VTI1A: variants seen among roughly 807,000 people sequenced by gnomAD.
VTI1A encodes vesicle transport through interaction with t-SNAREs homolog 1A.
Under a neutral mutation model 34.9 loss-of-function variants are expected in VTI1A, and 22 were observed. The observed-to-expected ratio is 0.63, with a 90% CI of 0.45 to 0.90. The LOEUF is 0.90. Ranked by LOEUF, VTI1A falls within the 40% of genes least tolerant of loss-of-function variation. VTI1A has a pLI of 0.00. For synonymous variants in VTI1A, 87 were observed against 97.3 expected (o/e 0.89, Z 0.62); for missense variants, 268 against 275.6 (o/e 0.97, Z 0.20).
intron 7 of VTI1A, among the ~76,000 whole-genome samples, chr10:112,723,582 A>G (rs1411182405): frequency 1.3e-5 from 2 of 152,194 alleles, no homozygotes; most frequent in Non-Finnish European, 2.9e-5. Context: ...TCTTCAGGAC[A>G]ATCTCAATTT....
intron 4 of VTI1A, among the ~76,000 whole-genome samples, chr10:112,531,491 A>G (rs1425832989): frequency 2.0e-5 from 3 of 152,032 alleles, no homozygotes; most frequent in African/African-American, 2.4e-5. Context: ...AGAAAAAAAA[A>G]AAAAAGAAAA....
At chr10:112,757,099 C>G in intron 7 of VTI1A, among the ~76,000 whole-genome samples, 1 of 151,510 alleles carries the variant, frequency 6.6e-6, no homozygotes, top group Non-Finnish European at 1.5e-5. Flanking sequence ...AATACTAATT[C>G]AGAGGCAGCC....
chr10:112,844,698 G>A, the VTI1A span, among the ~76,000 whole-genome samples: 18 of 152,058 alleles, frequency 1.2e-4, no homozygotes, highest in Non-Finnish European at 2.1e-4. Flanking sequence ...CACGCCTGGC[G>A]TGTAATCCTT....
chr10:112,770,093 A>G (rs1470346102), intron 7 of VTI1A, among the ~76,000 whole-genome samples: 1 of 151,966 alleles, frequency 6.6e-6, no homozygotes, highest in African/African-American at 2.4e-5. Flanking sequence ...AGGCCAAACC[A>G]ACACATCTGC....
chr10:112,523,791 G>A lies in VTI1A; in HGVS notation c.265-3296G>A, dbSNP rs572685190. Among the ~76,000 whole-genome samples, 6 of 152,228 alleles carry A rather than the reference G, an allele frequency of 3.9e-5. No homozygotes were observed. The South Asian group carries it at 1.2e-3, about 32-fold the overall frequency. On this transcript the variant is annotated intron_variant, in intron 3 of 7. Transcript: ENST00000393077. The stretch of plus-strand genomic sequence containing the variant: ...TTGCCTGGTTAGCTTATGTATAGAA[G>A]TCATTAACTATTTATAAAATGCATT...
At chr10:112,648,035 G>T (rs1846872345) in intron 5 of VTI1A, among the ~76,000 whole-genome samples, 1 of 152,216 alleles carries the variant, frequency 6.6e-6, no homozygotes, top group African/African-American at 2.4e-5. Flanking sequence ...CTCCCAAAGT[G>T]CTGGGATTAC....
In VTI1A at chr10:112,620,756, C is replaced by T. The variant is rs148065145; in HGVS notation, c.428-47462C>T. Among the ~76,000 whole-genome samples the T allele has an allele frequency of 3.4e-3, 506 of 150,052 alleles. 5 individuals carry two copies. Among genetic ancestry groups the T allele is most frequent in the African/African-American group, 0.012 (475 of 40,690 alleles). ...AGTGAACTGAGATCATGCCATTGCA[C>T]TCCAGCCTGGGCAATAAGACCGAAA... is the stretch of plus-strand genomic sequence containing the variant. On this transcript the variant is annotated intron_variant, in intron 5 of 7. Coordinates refer to ENST00000393077, the MANE Select transcript of VTI1A (RefSeq NM_145206.4).
rs573536936 is a variant in VTI1A at position 112,619,209 on chromosome 10, C to T, written c.428-49009C>T. Among the ~76,000 whole-genome samples the T allele has an allele frequency of 1.0e-3, 156 of 151,796 alleles. 2 individuals carry two copies. The highest frequency in any genetic ancestry group is 3.6e-3 in the African/African-American group (149 of 41,386). On this transcript the variant is annotated intron_variant, in intron 5 of 7. Transcript: ENST00000393077. ...TGAAGGGATAAGTATATGCGTGGTC[C>T]GAGCCAATCCATTGCATTTGGAAAA...
chr10:112,638,776 A>G (rs1846457594), intron 5 of VTI1A, among the ~76,000 whole-genome samples: 1 of 145,648 alleles, frequency 6.9e-6, no homozygotes, highest in Non-Finnish European at 1.5e-5. Flanking sequence ...TAGAATACAG[A>G]TATTACCATT....
the VTI1A span, among the ~76,000 whole-genome samples, chr10:112,835,643 G>A: frequency 1.3e-5 from 2 of 151,940 alleles, no homozygotes; most frequent in Admixed American, 6.6e-5. Context: ...CATGTTTAAG[G>A]TTTCTTTGTT....
intron 5 of VTI1A, among the ~76,000 whole-genome samples, chr10:112,658,356 G>A (rs974969205): frequency 6.6e-6 from 1 of 151,946 alleles, no homozygotes; most frequent in African/African-American, 2.4e-5. Flanking sequence ...CAAAGCACCG[G>A]TATTACAAGC....
chr10:112,706,690 C>T (rs1283045288), intron 7 of VTI1A, among the ~76,000 whole-genome samples: 1 of 152,184 alleles, frequency 6.6e-6, no homozygotes, highest in South Asian at 2.1e-4. Context: ...CCACTCTGAA[C>T]CATAACTGCT....
chr10:112,677,381 T>C (rs1848070076), intron 7 of VTI1A, among the ~76,000 whole-genome samples: 1 of 152,218 alleles, frequency 6.6e-6, no homozygotes, highest in Non-Finnish European at 1.5e-5. Context: ...CTTGTACTTC[T>C]CACAAGACAT....
At position 112,475,149 on chromosome 10, in the gene VTI1A, C is replaced by G. The variant is rs115814506; in HGVS notation, c.264+10492C>G. Among the ~76,000 whole-genome samples the G allele has an allele frequency of 7.1e-3, 1,081 of 152,316 alleles. 14 individuals carry two copies. The highest frequency in any genetic ancestry group is 0.025 in the African/African-American group (1,052 of 41,568). On this transcript the variant is annotated intron_variant, in intron 3 of 7. Coordinates refer to ENST00000393077, the MANE Select transcript of VTI1A (RefSeq NM_145206.4). Reference sequence around the variant, plus strand: ...CCTATGTGCTGAATTTGAGATTGGTCTTAATAGATTTTCTTCACTTTGGAA... The same window carrying G: ...CCTATGTGCTGAATTTGAGATTGGTGTTAATAGATTTTCTTCACTTTGGAA...
intron 3 of VTI1A, among the ~76,000 whole-genome samples, chr10:112,518,022 A>G (rs1433176168): frequency 6.6e-6 from 1 of 152,080 alleles, no homozygotes; most frequent in East Asian, 1.9e-4. Context: ...CTGTTGTTGT[A>G]AACTTTTTAT....
the VTI1A span, chr10:112,826,556 A>C: frequency 6.6e-6 from 1 of 152,200 alleles, no homozygotes; most frequent in African/African-American, 2.4e-5. Flanking sequence ...GTGTGCAAAG[A>C]CCAGTCCTCA....
At chr10:112,580,765 T>C (rs748785099) in intron 5 of VTI1A, among the ~76,000 whole-genome samples, 3 of 152,066 alleles carry the variant, frequency 2.0e-5, no homozygotes, top group Non-Finnish European at 4.4e-5. Context: ...CATCAGGTGA[T>C]TGACATTTCA....
intron 7 of VTI1A, among the ~76,000 whole-genome samples, chr10:112,804,110 T>C (rs184982429): frequency 7.2e-5 from 11 of 152,358 alleles, no homozygotes; most frequent in African/African-American, 2.6e-4. Flanking sequence ...ATCGGACTTA[T>C]CAGTGGGCTC....
intron 7 of VTI1A, among the ~76,000 whole-genome samples, chr10:112,760,780 C>T (rs1192700510): frequency 2.7e-5 from 4 of 150,222 alleles, no homozygotes; most frequent in East Asian, 4.0e-4. Flanking sequence ...TCCCAGGTAC[C>T]GGGGAGGCTG....
Sources: gnomAD v4.1 joint callset for allele counts (sites outside exome capture counted in the v4.1 genomes callset) on GRCh38, gnomAD v4.1.1 for gene constraint, MANE v1.5 for transcripts, NCBI Gene and HGNC (gene_info 2026-07-23, HGNC 2026-07-21) for gene names.